The following CPEB2 variants were observed in gnomAD, a reference collection of about 807,000 sequenced individuals.
CPEB2 encodes the protein cytoplasmic polyadenylation element binding protein 2, also known as cytoplasmic polyadenylation element-binding protein 2.
Under a neutral mutation model 93.6 loss-of-function variants are expected in CPEB2, and 56 were observed. That is an observed-to-expected ratio of 0.60 (90% CI 0.48 to 0.75). The LOEUF is 0.75. CPEB2 is among the 30% of genes least tolerant of loss of function. The pLI is 0.00. For synonymous variants in CPEB2, 764 were observed against 586.3 expected (o/e 1.30, Z -4.38); for missense variants, 1,579 against 1,395.1 (o/e 1.13, Z -2.10).
chr4:15,002,537 C>T lies in CPEB2; in HGVS notation c.-137C>T. ...GGGGTGGTGGGGCCGAAGTCGGTGCCCCCTGGCTCAGTCACGGTGTCCCTC... is the reference window on the plus strand; with the variant it reads ...GGGGTGGTGGGGCCGAAGTCGGTGCTCCCTGGCTCAGTCACGGTGTCCCTC... On this transcript the variant is annotated 5_prime_UTR_variant, in exon 1 of 12. Coordinates refer to ENST00000538197, the MANE Select transcript of CPEB2 (RefSeq NM_001177382.2). The T allele has an allele frequency of 1.5e-6, 1 of 658,172 alleles. No homozygotes were observed. Among genetic ancestry groups the T allele is most frequent in the Non-Finnish European group, 2.3e-6 (1 of 427,500 alleles). 40.8% of individuals were successfully genotyped at this position (658,172 alleles called of 1,614,324 possible).
intron 6 of CPEB2, among the ~76,000 whole-genome samples, chr4:15,047,314 G>A (rs920944624): frequency 2.6e-5 from 4 of 152,192 alleles, no homozygotes; most frequent in Non-Finnish European, 5.9e-5. Context: ...CTAGAAGACA[G>A]TGTGCTGAGA....
At chr4:15,053,635 TG>T (rs1303532797) in intron 7 of CPEB2, among the ~76,000 whole-genome samples, 1 of 152,202 alleles carries the variant, frequency 6.6e-6, no homozygotes, top group African/African-American at 2.4e-5. Flanking sequence ...ACATAGCAAT[TG>T]GATGTAACCT....
At position 15,013,940 on chromosome 4, in the gene CPEB2, T is replaced by A. The variant is rs188433415; in HGVS notation, c.2035-3248T>A. On this transcript the variant is annotated intron_variant, in intron 3 of 11. Coordinates refer to ENST00000538197, the MANE Select transcript of CPEB2 (RefSeq NM_001177382.2). ...TCACTGATTCAGTTAGATACAGACA[T>A]TCAAGCTGAAGTTATTAATACATGC... is the stretch of plus-strand genomic sequence containing the variant. Among the ~76,000 whole-genome samples the A allele has an allele frequency of 7.9e-5, 12 of 152,180 alleles. No individual in the cohort carries two copies. In the East Asian group the frequency reaches 2.3e-3, roughly 29 times the overall value.
intron 3 of CPEB2, among the ~76,000 whole-genome samples, chr4:15,016,237 A>C (rs921950085): frequency 1.3e-5 from 2 of 152,024 alleles, no homozygotes; most frequent in Non-Finnish European, 2.9e-5. Context: ...GCGTGTATAC[A>C]CATATGTAAC....
chr4:15,041,663 A>G (rs1727204245), intron 6 of CPEB2, among the ~76,000 whole-genome samples: 1 of 152,140 alleles, frequency 6.6e-6, no homozygotes, highest in African/African-American at 2.4e-5. Flanking sequence ...TCGGCCTCCC[A>G]AAGTGCTGGG....
chr4:15,003,739 G>A lies in CPEB2; in HGVS notation c.1066G>A (p.Gly356Ser), dbSNP rs1192531739. ...DLPHPGGGGG[G>S]GGGGPPGGGG... ...TCCACACCCGGGCGGCGGCGGCGGC[G>A]GCGGGGGCGGGGGGCCCCCAGGAGG... The change falls in exon 1 of 12, where the codon GGC becomes AGC. Residue 356 changes from glycine (G) to serine (S), a missense_variant. By Grantham distance (56) the Gly-to-Ser change is moderately conservative. Coordinates refer to ENST00000538197, the MANE Select transcript of CPEB2 (RefSeq NM_001177382.2). 1.6e-6 allele frequency: 2 copies of A among 1,282,242 alleles called. No homozygotes were observed. Among genetic ancestry groups the A allele is most frequent in the East Asian group, 6.4e-5 (2 of 31,212 alleles). 79.4% of individuals were successfully genotyped at this position (1,282,242 alleles called of 1,614,324 possible). A position where few individuals can be genotyped will look rare whatever the true frequency, so the allele number is the denominator to read the frequency against.
At chr4:15,053,011 A>T (rs917005840) in intron 7 of CPEB2, among the ~76,000 whole-genome samples, 4 of 144,408 alleles carry the variant, frequency 2.8e-5, no homozygotes, top group Non-Finnish European at 4.4e-5. Flanking sequence ...TTTTATTTTT[A>T]TTTATTTATT....
chr4:15,015,031 T>A (rs1288817207), intron 3 of CPEB2, among the ~76,000 whole-genome samples: 1 of 152,098 alleles, frequency 6.6e-6, no homozygotes, highest in African/African-American at 2.4e-5. Flanking sequence ...ATGATTATTT[T>A]CTAGGAGTTA....
chr4:15,062,491 T>G, intron 11 of CPEB2, among the ~76,000 whole-genome samples: 1 of 152,088 alleles, frequency 6.6e-6, no homozygotes, highest in East Asian at 1.9e-4. Context: ...TCAAAATTTT[T>G]TAATCAGCCA....
Position 15,003,491 on chromosome 4 carries a change from G to A in CPEB2, c.818G>A (p.Arg273Gln). 2 of 1,400,834 alleles carry A rather than the reference G, an allele frequency of 1.4e-6. No individual in the cohort carries two copies. The highest frequency in any genetic ancestry group is 1.5e-5 in the African/African-American group (1 of 66,078). 86.8% of individuals were successfully genotyped at this position (1,400,834 alleles called of 1,614,324 possible). Residue 273 changes from arginine to glutamine, a missense_variant, in exon 1 of 12, where the codon CGG becomes CAG. Transcript: ENST00000538197. Reference sequence around the variant, plus strand: ...CCTCCCTCGCCGCCTGCAGCCCCGCGGCGCCGCCACGGAGGCGCGGGCAGC... The same window carrying A: ...CCTCCCTCGCCGCCTGCAGCCCCGCAGCGCCGCCACGGAGGCGCGGGCAGC... ...QLPPSPPAAP[R>Q]RRHGGAGSPR... is the part of the protein sequence containing the mutation.
intron 6 of CPEB2, among the ~76,000 whole-genome samples, chr4:15,045,759 C>A (rs2109062176): frequency 6.6e-6 from 1 of 152,188 alleles, no homozygotes; most frequent in East Asian, 1.9e-4. Flanking sequence ...AAATAAAAAA[C>A]ACATCTAACT....
chr4:15,042,792 A>G (rs372070309), intron 6 of CPEB2, among the ~76,000 whole-genome samples: 3 of 152,048 alleles, frequency 2.0e-5, no homozygotes, highest in East Asian at 3.9e-4. Flanking sequence ...TTTTCTTCCT[A>G]TTTTTTACTG....
chr4:15,059,200 C>G lies in CPEB2; in HGVS notation c.2594C>G (p.Pro865Arg). The change falls in exon 10 of 12, where the codon CCT (proline) becomes CGT (arginine). Residue 865 changes from proline (P) to arginine (R), a missense_variant. Physicochemically the swap from Pro to Arg is moderately radical, Grantham distance 103. Coordinates refer to ENST00000538197, the MANE Select transcript of CPEB2 (RefSeq NM_001177382.2). ...TTTTCTTCATAGGTTCAAATACGTC[C>G]TTGGAATTTAAGTGATAGTGATTTT... ...TIKDKPVQIR[P>R]WNLSDSDFVM... 1 of 1,606,102 alleles carries G rather than the reference C, an allele frequency of 6.2e-7. No homozygotes were observed. The highest frequency in any genetic ancestry group is 8.5e-7 in the Non-Finnish European group (1 of 1,174,528).
At chr4:15,021,206 G>A (rs1268918908) in intron 4 of CPEB2, among the ~76,000 whole-genome samples, 4 of 152,100 alleles carry the variant, frequency 2.6e-5, no homozygotes, top group Non-Finnish European at 5.9e-5. Flanking sequence ...GCACTGACCC[G>A]TCTGCTTTAT....
chr4:15,034,257 G>A (rs779992170), intron 5 of CPEB2, among the ~76,000 whole-genome samples: 1 of 152,196 alleles, frequency 6.6e-6, no homozygotes, highest in Non-Finnish European at 1.5e-5. Context: ...AATCCTACAG[G>A]ATGGTTGTGG....
chr4:15,051,953 C>G (rs1728271137), intron 6 of CPEB2, among the ~76,000 whole-genome samples: 2 of 152,204 alleles, frequency 1.3e-5, no homozygotes, highest in African/African-American at 4.8e-5. Context: ...AGGTGAAGAC[C>G]TTGTATACAA....
At chr4:15,050,104 A>G (rs74792859) in intron 6 of CPEB2, among the ~76,000 whole-genome samples, 1 of 152,328 alleles carries the variant, frequency 6.6e-6, no homozygotes, top group East Asian at 1.9e-4. Context: ...TAAAACCGAT[A>G]CTGGTCCATG....
At chr4:15,049,281 A>G (rs1248050894) in intron 6 of CPEB2, among the ~76,000 whole-genome samples, 1 of 151,684 alleles carries the variant, frequency 6.6e-6, no homozygotes, top group Non-Finnish European at 1.5e-5. Flanking sequence ...GACCCTAAGT[A>G]TTTGTGATCC....
At chr4:15,031,310 T>C (rs919484386) in intron 4 of CPEB2, among the ~76,000 whole-genome samples, 1 of 151,942 alleles carries the variant, frequency 6.6e-6, no homozygotes, top group African/African-American at 2.4e-5. Context: ...GAAATAACAG[T>C]AATTTATTCA....
Sources: allele counts gnomAD v4.1 joint callset (sites outside exome capture counted in the v4.1 genomes callset), GRCh38; gene constraint gnomAD v4.1.1; transcripts MANE v1.5; gene names NCBI Gene and HGNC (gene_info 2026-07-23, HGNC 2026-07-21).